Variants in DSCAML1 observed in about 807,000 individuals in gnomAD.
DSCAML1 encodes DS cell adhesion molecule like 1.
Under a neutral mutation model 200.5 loss-of-function variants are expected in DSCAML1, and 38 were observed. The observed-to-expected ratio is 0.19, with a 90% CI of 0.15 to 0.25. The LOEUF is 0.25. Among genes scored for constraint, DSCAML1 ranks in the 10% least tolerant of loss-of-function variants. The pLI is 1.00. For synonymous variants in DSCAML1, 1,215 were observed against 1,165.0 expected (o/e 1.04, Z -0.87); for missense variants, 2,223 against 2,858.8 (o/e 0.78, Z 5.07).
intron 3 of DSCAML1, among the ~76,000 whole-genome samples, chr11:117,574,061 G>A (rs1007613095): frequency 6.6e-5 from 10 of 152,192 alleles, no homozygotes; most frequent in African/African-American, 1.7e-4. Flanking sequence ...TCTAGGAGCT[G>A]GATGGGAGGG....
chr11:117,471,154 A>G (rs1171204151), intron 15 of DSCAML1, among the ~76,000 whole-genome samples: 1 of 150,808 alleles, frequency 6.6e-6, no homozygotes, highest in Non-Finnish European at 1.5e-5. Context: ...CTGCACATAT[A>G]TGTCATGTGT....
At chr11:117,591,442 C>T (rs541453280) in intron 3 of DSCAML1, among the ~76,000 whole-genome samples, 1 of 152,340 alleles carries the variant, frequency 6.6e-6, no homozygotes, top group South Asian at 2.1e-4. Flanking sequence ...GACATCTGTT[C>T]AGCACATAGA....
upstream of DSCAML1, among the ~76,000 whole-genome samples, chr11:117,800,320 G>C (rs2134083980): frequency 6.6e-6 from 1 of 152,322 alleles, no homozygotes; most frequent in South Asian, 2.1e-4. Context: ...AACCCTGACA[G>C]TCCCCTCCCC....
chr11:117,593,966 G>A (rs2051313206), intron 3 of DSCAML1, among the ~76,000 whole-genome samples: 1 of 152,232 alleles, frequency 6.6e-6, no homozygotes, highest in East Asian at 1.9e-4. Context: ...GCCCGCCTCA[G>A]CCTTCCAAAG....
At chr11:117,610,067 C>G (rs994503794) in intron 3 of DSCAML1, among the ~76,000 whole-genome samples, 1 of 152,206 alleles carries the variant, frequency 6.6e-6, no homozygotes, top group African/African-American at 2.4e-5. Context: ...CCCAAAAAAG[C>G]AACCTGCCCC....
chr11:117,804,230 T>G (rs981546439), intron 1 of DSCAML1, among the ~76,000 whole-genome samples: 1 of 152,202 alleles, frequency 6.6e-6, no homozygotes, highest in African/African-American at 2.4e-5. Flanking sequence ...ACGGGGAATG[T>G]TGGCCCCTCA....
At chr11:117,732,801 CATTATT>C (rs901815873) in intron 3 of DSCAML1, among the ~76,000 whole-genome samples, 28 of 151,598 alleles carry the variant, frequency 1.8e-4, no homozygotes, top group African/African-American at 5.6e-4. Flanking sequence ...TTATTATTAT[CATTATT>C]ATTATTATTA....
intron 3 of DSCAML1, among the ~76,000 whole-genome samples, chr11:117,745,370 G>A (rs934691947): frequency 2.0e-5 from 3 of 152,144 alleles, no homozygotes; most frequent in African/African-American, 7.2e-5. Context: ...ACCAGGGCAG[G>A]CTACCGAGGG....
intron 4 of DSCAML1, among the ~76,000 whole-genome samples, chr11:117,532,116 T>C (rs1322211012): frequency 1.4e-5 from 2 of 144,576 alleles, no homozygotes; most frequent in East Asian, 4.0e-4. Flanking sequence ...TCTATCAGCT[T>C]CCTGACAGGA....
Position 117,516,147 on chromosome 11 carries a change from A to T in DSCAML1, c.1783+320T>A, listed in dbSNP as rs2049761856. On this transcript the variant is annotated intron_variant, in intron 8 of 32. Coordinates refer to ENST00000651296, the MANE Select transcript of DSCAML1 (RefSeq NM_020693.4). This position sits in a 1 kb window ranked among gnomAD's most constrained non-coding sequence, Gnocchi z 5.7. ...CATCCCAACAGCAGAGGCCCCATGC[A>T]GCCCATCTCTGACCTGGCCTCTCTC... 6.6e-6 allele frequency among the ~76,000 whole-genome samples: 1 copy of T among 152,128 alleles called. No individual in the cohort carries two copies. Among genetic ancestry groups the T allele is most frequent in the African/African-American group, 2.4e-5 (1 of 41,450 alleles).
chr11:117,798,936 CAGG>C (rs1176598870), upstream of DSCAML1, among the ~76,000 whole-genome samples: 5 of 152,138 alleles, frequency 3.3e-5, no homozygotes, highest in African/African-American at 9.7e-5. Flanking sequence ...AAACAATTTG[CAGG>C]AGGTGTTTTG....
At position 117,526,052 on chromosome 11, in the gene DSCAML1, A is replaced by G. The variant is rs138125525; in HGVS notation, c.659-969T>C. ...CGAGACCTGTGGCCTGAAGCTGCAG[A>G]AAACCATAGCGCCTGCGGGCAGGAT... is the stretch of plus-strand genomic sequence containing the variant. On this transcript the variant is annotated intron_variant, in intron 4 of 32. Transcript: ENST00000651296. Among the ~76,000 whole-genome samples, 291 of 152,328 alleles carry G rather than the reference A, an allele frequency of 1.9e-3. 1 individual carries two copies. Among genetic ancestry groups the G allele is most frequent in the African/African-American group, 5.9e-3 (245 of 41,578 alleles).
At chr11:117,573,857 G>T (rs2050887644) in intron 3 of DSCAML1, among the ~76,000 whole-genome samples, 1 of 152,188 alleles carries the variant, frequency 6.6e-6, no homozygotes, top group Non-Finnish European at 1.5e-5. Context: ...ATCCTTCAGG[G>T]CCCCTGGCAC....
At position 117,428,669 on chromosome 11, in the gene DSCAML1, C is replaced by T. The variant is rs1461779264; in HGVS notation, c.5821G>A (p.Ala1941Thr). The T allele has an allele frequency of 8.7e-6, 14 of 1,612,540 alleles. No homozygotes were observed. The change falls in exon 33 of 33, where the codon GCT becomes ACT. Residue 1941 changes from alanine to threonine, a missense_variant. This residue lies in a region of DSCAML1 where 280 missense variants were observed against 213.4 expected (regional missense o/e 1.31). Coordinates refer to ENST00000651296, the MANE Select transcript of DSCAML1 (RefSeq NM_020693.4). Reference protein sequence around the residue: ...RNLARTYHTQARHLTLDPASK... With the variant: ...RNLARTYHTQTRHLTLDPASK... ...GCAGGGTCCAGGGTCAGGTGGCGAG[C>T]CTGGGTGTGGTAGGTTCGAGCCAGG...
chr11:117,797,258 A>T, upstream of DSCAML1: 1 of 1,429,750 alleles, frequency 7.0e-7, no homozygotes, highest in Non-Finnish European at 9.1e-7. Flanking sequence ...GGCTCCTGTC[A>T]TCCGCGGGGC....
intron 3 of DSCAML1, among the ~76,000 whole-genome samples, chr11:117,739,347 C>T (rs2054380140): frequency 6.6e-6 from 1 of 152,194 alleles, no homozygotes; most frequent in African/African-American, 2.4e-5. Context: ...CCATCTCAAA[C>T]CTACTCAATC....
intron 3 of DSCAML1, among the ~76,000 whole-genome samples, chr11:117,699,328 A>G: frequency 6.6e-6 from 1 of 152,146 alleles, no homozygotes; most frequent in East Asian, 1.9e-4. Context: ...GCTGTAGCAC[A>G]CGGCTGGGTC....
intron 16 of DSCAML1, among the ~76,000 whole-genome samples, chr11:117,467,162 C>T (rs2048595150): frequency 6.7e-6 from 1 of 150,026 alleles, no homozygotes; most frequent in Admixed American, 6.8e-5. Flanking sequence ...GACACCCAGC[C>T]AGGTGCGCGC....
intron 3 of DSCAML1, among the ~76,000 whole-genome samples, chr11:117,647,888 C>A (rs1010043993): frequency 2.0e-5 from 3 of 152,202 alleles, no homozygotes; most frequent in Non-Finnish European, 2.9e-5. Flanking sequence ...CCCCACCAAC[C>A]CCCAGCAGCA....
Sources: allele counts gnomAD v4.1 joint callset (sites outside exome capture counted in the v4.1 genomes callset), GRCh38; gene constraint gnomAD v4.1.1; regional missense constraint gnomAD v4.1.1; non-coding constraint Gnocchi (gnomAD v3.1); transcripts MANE v1.5; gene names NCBI Gene and HGNC (gene_info 2026-07-23, HGNC 2026-07-21).